DCLRE1C: variants seen among roughly 807,000 people sequenced by gnomAD.
DCLRE1C encodes the protein protein artemis.
A neutral mutation model predicts 61.4 loss-of-function variants in DCLRE1C; 47 were observed. The observed-to-expected ratio is 0.77, with a 90% CI of 0.61 to 0.98. The LOEUF (loss-of-function observed/expected upper bound fraction) is 0.98. Among genes scored for constraint, DCLRE1C ranks in the 50% least tolerant of loss-of-function variants. The probability of loss-of-function intolerance (pLI) is 0.00; values close to 1 mark genes in which losing one functional copy is unlikely to be tolerated. For synonymous variants in DCLRE1C, 337 were observed against 287.6 expected (o/e 1.17, Z -1.74); for missense variants, 858 against 816.0 (o/e 1.05, Z -0.63).
At position 14,906,026 on chromosome 10, in the gene DCLRE1C, G is replaced by A. The variant is rs138262568; in HGVS notation, c.*2382C>T. On this transcript the variant is annotated 3_prime_UTR_variant, in exon 14 of 14. Coordinates refer to ENST00000378278, the MANE Select transcript of DCLRE1C (RefSeq NM_001033855.3). ...CTTCATGTTTCCTCTTGTGGTTTAT[G>A]ATTCTTGACGTAAAAACCAAGTAGC... 2.2e-4 allele frequency among the ~76,000 whole-genome samples: 34 copies of A among 152,268 alleles called. No homozygotes were observed. In the East Asian group the frequency reaches 6.6e-3, roughly 29 times the overall value.
upstream of DCLRE1C, chr10:14,954,163 G>T: frequency 7.3e-7 from 1 of 1,363,082 alleles, no homozygotes; most frequent in South Asian, 1.2e-5. Flanking sequence ...GGAGACCGGG[G>T]GCAAAGTCAA....
chr10:14,914,973 C>CTAACCACAATAACAT (rs1564383782), intron 13 of DCLRE1C, among the ~76,000 whole-genome samples: 1 of 151,710 alleles, frequency 6.6e-6, no homozygotes, highest in African/African-American at 2.4e-5. Flanking sequence ...AGTATGTTCT[C>CTAACCACAATAACAT]TAACCACAAT....
rs768393244 is a variant in DCLRE1C, at chr10:14,923,033, C to T, written c.1009G>A (p.Ala337Thr). 1 of 1,614,010 alleles carries T rather than the reference C, an allele frequency of 6.2e-7. No individual in the cohort carries two copies. Among genetic ancestry groups the T allele is most frequent in the South Asian group, 1.1e-5 (1 of 91,076 alleles). Residue 337 changes from alanine to threonine, a missense_variant, in exon 12 of 14, where the codon GCA becomes ACA. This residue lies in a region of DCLRE1C where 843 missense variants were observed against 783.5 expected (regional missense o/e 1.08). Transcript: ENST00000378278. ...CCAACTGGAATGACATTTGGATATG[C>T]GTTCACAGGACAGAGGTAGCTCAAG... ...DFLSYLCPVN[A>T]YPNVIPVGTT... is the part of the protein sequence containing the mutation.
intron 13 of DCLRE1C, among the ~76,000 whole-genome samples, chr10:14,914,237 A>T (rs1005222305): frequency 5.9e-5 from 9 of 152,246 alleles, no homozygotes; most frequent in Non-Finnish European, 1.2e-4. Context: ...AAGAAATTCA[A>T]ATGGCTCTAG....
Position 14,934,783 on chromosome 10 carries a change from G to C in DCLRE1C, c.465-8C>G, listed in dbSNP as rs1218480223. The C allele has an allele frequency of 1.2e-6, 2 of 1,604,722 alleles. No homozygotes were observed. Among genetic ancestry groups the C allele is most frequent in the African/African-American group, 1.3e-5 (1 of 74,630 alleles). ...CTTTGGATGTCTTTGACTCTGAAAA[G>C]AAAAAAAATTGATGTTAGCCATCCA... is the stretch of plus-strand genomic sequence containing the variant. On this transcript the variant is annotated splice_region_variant and splice_polypyrimidine_tract_variant and intron_variant, in intron 6 of 13. Coordinates refer to ENST00000378278, the MANE Select transcript of DCLRE1C (RefSeq NM_001033855.3).
chr10:14,950,427 G>A (rs529585949), intron 1 of DCLRE1C, among the ~76,000 whole-genome samples: 4 of 148,978 alleles, frequency 2.7e-5, no homozygotes, highest in Non-Finnish European at 5.9e-5. Flanking sequence ...ATTACCACGA[G>A]CACCACCACA....
intron 4 of DCLRE1C, among the ~76,000 whole-genome samples, chr10:14,937,281 C>CTTTTTTTTT (rs1162058273): frequency 1.8e-5 from 2 of 110,616 alleles, no homozygotes; most frequent in African/African-American, 3.7e-5. Flanking sequence ...AAGCTATTTA[C>CTTTTTTTTT]TTTTTTTTTT....
At chr10:14,941,240 C>G (rs915129108) in intron 3 of DCLRE1C, among the ~76,000 whole-genome samples, 2 of 152,210 alleles carry the variant, frequency 1.3e-5, no homozygotes, top group Non-Finnish European at 2.9e-5. Context: ...TAGCTATGTT[C>G]CACACATTCT....
At chr10:14,912,830 C>T (rs758840933) in intron 13 of DCLRE1C, among the ~76,000 whole-genome samples, 28 of 152,174 alleles carry the variant, frequency 1.8e-4, no homozygotes, top group Non-Finnish European at 3.5e-4. Flanking sequence ...TACAGGTGCC[C>T]GCCACCACAC....
rs751338558 is a variant in DCLRE1C, at chr10:14,909,061, C to T, written c.1426G>A (p.Val476Ile). The change falls in exon 14 of 14, where the codon GTA becomes ATA. Residue 476 changes from valine to isoleucine, a missense_variant. By Grantham distance (29) the Val-to-Ile change is conservative. This residue lies in a region of DCLRE1C where 843 missense variants were observed against 783.5 expected (regional missense o/e 1.08). Coordinates refer to ENST00000378278, the MANE Select transcript of DCLRE1C (RefSeq NM_001033855.3). ...PASLQGDLGS[V>I]LHLQKADGDV... ...CCATCAGCCTTTTGCAGGTGAAGTA[C>T]AGAGCCCAGATCTCCTTGCAGTGAA... 18 of 1,614,028 alleles carry T rather than the reference C, an allele frequency of 1.1e-5. No individual in the cohort carries two copies. Among genetic ancestry groups the T allele is most frequent in the Non-Finnish European group, 1.4e-5 (17 of 1,180,032 alleles).
intron 1 of DCLRE1C, among the ~76,000 whole-genome samples, chr10:14,949,593 C>G (rs1245542336): frequency 6.6e-6 from 1 of 152,250 alleles, no homozygotes; most frequent in Non-Finnish European, 1.5e-5. Context: ...TTACTATCCA[C>G]AAAGACTTGC....
At chr10:14,933,172 T>C (rs4237441) in intron 8 of DCLRE1C, among the ~76,000 whole-genome samples, 148,561 of 152,300 alleles carry the variant, frequency 0.98, 72,472 homozygotes, top group Middle Eastern at 1. Flanking sequence ...CTGACGTCAG[T>C]GAACAATTAT....
At position 14,908,707 on chromosome 10, in the gene DCLRE1C, T is replaced by C. The variant is rs577569166; in HGVS notation, c.1780A>G (p.Asn594Asp). Residue 594 changes from asparagine (N) to aspartate (D), a missense_variant, in exon 14 of 14, where the codon AAT becomes GAT. Transcript: ENST00000378278. The part of the protein sequence containing the change: ...ENIPASLMEQ[N>D]VICPKDTYSD... ...TAAGTATCCTTTGGGCAAATTACAT[T>C]TTGTTCCATGAGAGAGGCAGGAATA... The C allele has an allele frequency of 6.2e-7, 1 of 1,614,240 alleles. No homozygotes were observed. Among genetic ancestry groups the C allele is most frequent in the African/African-American group, 1.3e-5 (1 of 75,062 alleles).
At chr10:14,950,080 C>T (rs1310011884) in intron 1 of DCLRE1C, among the ~76,000 whole-genome samples, 1 of 151,960 alleles carries the variant, frequency 6.6e-6, no homozygotes. Context: ...GTGGCTCATG[C>T]CTGTAACCCC....
At chr10:14,914,769 T>A (rs1401052317) in intron 13 of DCLRE1C, among the ~76,000 whole-genome samples, 1 of 152,048 alleles carries the variant, frequency 6.6e-6, no homozygotes, top group South Asian at 2.1e-4. Context: ...CAAAACCCTG[T>A]GGCTACTAAA....
chr10:14,915,822 C>A (rs1157539849), intron 13 of DCLRE1C, among the ~76,000 whole-genome samples: 1 of 152,016 alleles, frequency 6.6e-6, no homozygotes, highest in Non-Finnish European at 1.5e-5. Flanking sequence ...CACACAATTA[C>A]AAGGAAAAGA....
intron 13 of DCLRE1C, chr10:14,899,509 C>T (rs373066474): frequency 1.3e-5 from 21 of 1,609,710 alleles, no homozygotes; most frequent in East Asian, 4.5e-5. Context: ...TCAGTAGCTA[C>T]GTAATATACT....
At chr10:14,944,685 T>C (rs1412964764) in intron 3 of DCLRE1C, among the ~76,000 whole-genome samples, 5 of 147,156 alleles carry the variant, frequency 3.4e-5, no homozygotes, top group Non-Finnish European at 7.5e-5. Context: ...TTTTTTTTTT[T>C]TTTTTTTTAG....
At chr10:14,910,076 G>C (rs1271306189) in intron 13 of DCLRE1C, among the ~76,000 whole-genome samples, 1 of 152,174 alleles carries the variant, frequency 6.6e-6, no homozygotes, top group Non-Finnish European at 1.5e-5. Context: ...TTCTACTGCT[G>C]AATCTGGTGT....
Sources: gnomAD v4.1 joint callset for allele counts (sites outside exome capture counted in the v4.1 genomes callset) on GRCh38, gnomAD v4.1.1 for gene constraint, gnomAD v4.1.1 regional missense constraint, MANE v1.5 for transcripts, NCBI Gene and HGNC (gene_info 2026-07-23, HGNC 2026-07-21) for gene names.